OXR1: variants seen among roughly 807,000 people sequenced by gnomAD.
The protein encoded by OXR1 is oxidation resistance 1, also known as oxidation resistance protein 1.
In OXR1, 41 loss-of-function variants were observed where a neutral mutation model predicts 104.6. The observed-to-expected ratio is 0.39, with a 90% CI of 0.31 to 0.51. The LOEUF (loss-of-function observed/expected upper bound fraction) is 0.51, where lower values mean the gene tolerates loss of function less well. Among genes scored for constraint, OXR1 ranks in the 20% least tolerant of loss-of-function variants. OXR1 has a pLI of 0.77. For synonymous variants in OXR1, 348 were observed against 348.4 expected (o/e 1.00, Z 0.01); for missense variants, 955 against 1,031.9 (o/e 0.93, Z 1.02).
chr8:106,732,799 A>T (rs2131531680), intron 11 of OXR1, among the ~76,000 whole-genome samples: 1 of 152,156 alleles, frequency 6.6e-6, no homozygotes, highest in South Asian at 2.1e-4. Flanking sequence ...TTTTGTTGAG[A>T]ATTTTTGCAT....
intron 1 of OXR1, among the ~76,000 whole-genome samples, chr8:106,280,792 G>A (rs757044413): frequency 6.6e-6 from 1 of 151,870 alleles, no homozygotes; most frequent in Non-Finnish European, 1.5e-5. Flanking sequence ...TGAAGAAGAA[G>A]AAATTAGTGA....
At chr8:106,398,300 C>T (rs925541222) in intron 2 of OXR1, among the ~76,000 whole-genome samples, 5 of 152,130 alleles carry the variant, frequency 3.3e-5, no homozygotes, top group Admixed American at 6.6e-5. Context: ...TTGAAAAATA[C>T]TGATGCAGCA....
chr8:106,739,277 T>C (rs888308407), intron 12 of OXR1, among the ~76,000 whole-genome samples, 181 bp from the exon 13 acceptor site: 9 of 152,304 alleles, frequency 5.9e-5, no homozygotes, highest in Admixed American at 4.6e-4. Flanking sequence ...ATAAAATCTT[T>C]TCCTACATTG....
chr8:106,594,463 G>A (rs1186589704), intron 3 of OXR1, among the ~76,000 whole-genome samples: 1 of 152,172 alleles, frequency 6.6e-6, no homozygotes, highest in Non-Finnish European at 1.5e-5. Flanking sequence ...AATCATGTCA[G>A]ACCCCCACGG....
chr8:106,629,952 T>C (rs1382212553), intron 3 of OXR1, among the ~76,000 whole-genome samples: 1 of 152,182 alleles, frequency 6.6e-6, no homozygotes, highest in African/African-American at 2.4e-5. Context: ...ATACAGTATA[T>C]CTATAAAGTA....
At chr8:106,467,734 T>C (rs972750371) in intron 2 of OXR1, among the ~76,000 whole-genome samples, 2 of 151,916 alleles carry the variant, frequency 1.3e-5, no homozygotes, top group African/African-American at 4.8e-5. Context: ...CCTAATGAGA[T>C]GTGTAGGAGC....
In OXR1 at chr8:106,488,609, A is replaced by G. The variant is rs1810855992; in HGVS notation, c.24-30334A>G. Reference sequence around the variant, plus strand: ...TTGAATTGATTTTTGTATAAGGTGTAAGGAAGGGATCCAGTTTCAGCTTTC... The same window carrying G: ...TTGAATTGATTTTTGTATAAGGTGTGAGGAAGGGATCCAGTTTCAGCTTTC... On this transcript the variant is annotated intron_variant, in intron 2 of 16. Coordinates refer to ENST00000517566, the MANE Select transcript of OXR1 (RefSeq NM_001198533.2). Among the ~76,000 whole-genome samples, 3 of 151,200 alleles carry G rather than the reference A, an allele frequency of 2.0e-5. No individual in the cohort carries two copies. In the South Asian group the frequency reaches 6.3e-4, roughly 32 times the overall value.
chr8:106,614,188 T>C lies in OXR1; in HGVS notation c.221-65022T>C, dbSNP rs183738573. Reference sequence around the variant, plus strand: ...GTCTTGGAAAGGCTTGTTTTTACCATATGTTTTTCTTTTGTAAAAGGTCTA... The same window carrying C: ...GTCTTGGAAAGGCTTGTTTTTACCACATGTTTTTCTTTTGTAAAAGGTCTA... On this transcript the variant is annotated intron_variant, in intron 3 of 16. Transcript: ENST00000517566. 2.0e-5 allele frequency among the ~76,000 whole-genome samples: 3 copies of C among 152,368 alleles called. No homozygotes were observed. In the East Asian group the frequency reaches 5.8e-4, roughly 29 times the overall value.
intron 3 of OXR1, among the ~76,000 whole-genome samples, chr8:106,651,637 C>T (rs1824581232): frequency 6.6e-6 from 1 of 152,114 alleles, no homozygotes; most frequent in Non-Finnish European, 1.5e-5. Context: ...ATTCTTACGC[C>T]AGTACTACGG....
At chr8:106,280,200 C>T (rs2130491873) in intron 1 of OXR1, among the ~76,000 whole-genome samples, 1 of 152,278 alleles carries the variant, frequency 6.6e-6, no homozygotes, top group African/African-American at 2.4e-5. Flanking sequence ...AAAGGAAAAC[C>T]AAAACCCTTG....
intron 3 of OXR1, among the ~76,000 whole-genome samples, chr8:106,674,333 T>C (rs551331379): frequency 6.6e-6 from 1 of 152,326 alleles, no homozygotes; most frequent in African/African-American, 2.4e-5. Context: ...GATTTTGGAC[T>C]TGCGTGGGAC....
chr8:106,513,072 C>T (rs1812641893), intron 2 of OXR1, among the ~76,000 whole-genome samples: 1 of 152,064 alleles, frequency 6.6e-6, no homozygotes, highest in Non-Finnish European at 1.5e-5. Context: ...TGTAAGATTT[C>T]CTATGCTTCT....
rs79608161 is a variant in OXR1, at chr8:106,440,970, C to T, written c.24-77973C>T. Among the ~76,000 whole-genome samples the T allele has an allele frequency of 1.5e-3, 230 of 152,138 alleles. No individual in the cohort carries two copies. The East Asian group carries it at 0.032, about 21-fold the overall frequency. ...CATTGCTTAATTTTTAATAGCTGAG[C>T]TTGGATTTATAAACTTCTGTTTAAA... On this transcript the variant is annotated intron_variant, in intron 2 of 16. Coordinates refer to ENST00000517566, the MANE Select transcript of OXR1 (RefSeq NM_001198533.2).
At chr8:106,702,179 G>A (rs549620884) in intron 7 of OXR1, among the ~76,000 whole-genome samples, 5 of 152,238 alleles carry the variant, frequency 3.3e-5, no homozygotes, top group Admixed American at 2.0e-4. Context: ...ATGTTGGCCA[G>A]GAACTCCTGG....
At chr8:106,415,362 A>G (rs948592289) in intron 2 of OXR1, among the ~76,000 whole-genome samples, 1 of 152,128 alleles carries the variant, frequency 6.6e-6, no homozygotes, top group Non-Finnish European at 1.5e-5. Context: ...CTGCCATTTG[A>G]TTTAACAGCT....
chr8:106,572,273 G>A (rs887579617), intron 3 of OXR1, among the ~76,000 whole-genome samples: 1 of 152,096 alleles, frequency 6.6e-6, no homozygotes, highest in African/African-American at 2.4e-5. Flanking sequence ...GTTCAAACTG[G>A]TAATGACCCC....
At chr8:106,439,838 T>G (rs1586644951) in intron 2 of OXR1, among the ~76,000 whole-genome samples, 1 of 152,278 alleles carries the variant, frequency 6.6e-6, no homozygotes, top group African/African-American at 2.4e-5. Context: ...AAATACTTAC[T>G]TGAAGAATAA....
chr8:106,646,917 G>C (rs1228498042), intron 3 of OXR1, among the ~76,000 whole-genome samples: 1 of 152,198 alleles, frequency 6.6e-6, no homozygotes, highest in Non-Finnish European at 1.5e-5. Flanking sequence ...AATACCAATT[G>C]GCACTTGTCC....
chr8:106,512,059 T>G, intron 2 of OXR1, among the ~76,000 whole-genome samples: 1 of 152,220 alleles, frequency 6.6e-6, no homozygotes, highest in East Asian at 1.9e-4. Context: ...TATACGATAC[T>G]TATGCCAAAT....
Sources: gnomAD v4.1 joint callset for allele counts (sites outside exome capture counted in the v4.1 genomes callset) on GRCh38, gnomAD v4.1.1 for gene constraint, MANE v1.5 for transcripts, NCBI Gene and HGNC (gene_info 2026-07-23, HGNC 2026-07-21) for gene names.